ABI3BP: variants seen among roughly 807,000 people sequenced by gnomAD.
The protein encoded by ABI3BP is ABI family member 3 binding protein, also known as target of Nesh-SH3.
Under a neutral mutation model 268.6 loss-of-function variants are expected in ABI3BP, and 216 were observed. The ratio of observed to expected loss-of-function variants is 0.80; its 90% CI spans 0.72 to 0.90. The LOEUF is 0.90. Among genes scored for constraint, ABI3BP ranks in the 40% least tolerant of loss-of-function variants. The pLI is 0.00. For missense variants in ABI3BP, 2,090 were observed against 2,182.4 expected (o/e 0.96, Z 0.84); for synonymous variants, 730 against 730.0 (o/e 1.00, Z 0.00).
At position 100,805,505 on chromosome 3, in the gene ABI3BP, T is replaced by C. The variant is rs116752910; in HGVS notation, c.3683-639A>G. ...ACCAGGAAAATAAGTCTAACAATTA[T>C]AGTGTATTCTATGATTTCAAAAATG... On this transcript the variant is annotated intron_variant, in intron 50 of 67. Transcript: ENST00000471714. Among the ~76,000 whole-genome samples the C allele has an allele frequency of 3.6e-3, 547 of 152,244 alleles. 5 individuals carry two copies. Among genetic ancestry groups the C allele is most frequent in the Non-Finnish European group, 5.3e-3 (361 of 67,998 alleles).
intron 63 of ABI3BP, among the ~76,000 whole-genome samples, chr3:100,760,791 A>C (rs555675288): frequency 6.6e-6 from 1 of 152,306 alleles, no homozygotes; most frequent in East Asian, 1.9e-4. Context: ...AGAGGCTCTT[A>C]ATATTTTTCT....
intron 1 of ABI3BP, among the ~76,000 whole-genome samples, chr3:100,937,215 G>A (rs2066546791): frequency 6.6e-6 from 1 of 152,064 alleles, no homozygotes; most frequent in Non-Finnish European, 1.5e-5. Context: ...TAGGAAAAAT[G>A]TAGTACATCT....
In ABI3BP at chr3:100,913,687, A is replaced by G. The variant is rs544023577; in HGVS notation, c.260-11001T>C. Among the ~76,000 whole-genome samples the G allele has an allele frequency of 3.9e-5, 6 of 152,322 alleles. No individual in the cohort carries two copies. In the South Asian group the frequency reaches 1.2e-3, roughly 32 times the overall value. Reference sequence around the variant, plus strand: ...TACATACAATATAATTGACTAATATACAATGCTAATTTTTAATACATCACT... The same window carrying G: ...TACATACAATATAATTGACTAATATGCAATGCTAATTTTTAATACATCACT... On this transcript the variant is annotated intron_variant, in intron 2 of 67. Coordinates refer to ENST00000471714, the MANE Select transcript of ABI3BP (RefSeq NM_001375547.2).
intron 40 of ABI3BP, among the ~76,000 whole-genome samples, chr3:100,818,975 T>C (rs1223442128): frequency 6.6e-6 from 1 of 152,236 alleles, no homozygotes; most frequent in African/African-American, 2.4e-5. Flanking sequence ...GTCAACAGCC[T>C]GTTTGAGAGA....
rs1217118877 is a variant in ABI3BP, at chr3:100,787,848, T to C, written c.4088-46A>G. On this transcript the variant is annotated intron_variant, in intron 56 of 67. Transcript: ENST00000471714. Reference sequence around the variant, plus strand: ...AATAGTTCATTTTCTTATTGAAAGTTTGCAGCCGAGAAAAACAAAATTTCT... The same window carrying C: ...AATAGTTCATTTTCTTATTGAAAGTCTGCAGCCGAGAAAAACAAAATTTCT... 5.7e-6 allele frequency: 8 copies of C among 1,393,028 alleles called. No individual in the cohort carries two copies. The East Asian group carries it at 1.3e-4, about 23-fold the overall frequency. 86.3% of individuals were successfully genotyped at this position (1,393,028 alleles called of 1,614,324 possible).
chr3:100,754,332 T>G (rs1452533425), intron 64 of ABI3BP, among the ~76,000 whole-genome samples: 4 of 152,236 alleles, frequency 2.6e-5, no homozygotes, highest in Non-Finnish European at 4.4e-5. Flanking sequence ...TACTCACTGG[T>G]ATTTTCATTC....
At chr3:100,816,505 C>T (rs1448012845) in intron 43 of ABI3BP, 183 bp downstream of exon 43, 5 of 680,774 alleles carry the variant, frequency 7.3e-6, no homozygotes, top group Admixed American at 6.4e-5. Flanking sequence ...CAAGTGGCTC[C>T]AAGCCATGTT....
At chr3:100,914,506 G>A in intron 2 of ABI3BP, 1 of 453,034 alleles carries the variant, frequency 2.2e-6, no homozygotes, top group South Asian at 1.6e-5. Context: ...ATTCCAGAAT[G>A]TTCACAGGCC....
chr3:100,883,837 T>G (rs2040587396), intron 6 of ABI3BP, among the ~76,000 whole-genome samples: 1 of 152,092 alleles, frequency 6.6e-6, no homozygotes, highest in African/African-American at 2.4e-5. Context: ...CAAGTGTTCA[T>G]AAACCTATCA....
rs930764550 is a variant in ABI3BP, at chr3:100,773,035, A to C, written c.4531+1570T>G. Among the ~76,000 whole-genome samples the C allele has an allele frequency of 2.7e-5, 4 of 149,478 alleles. No individual in the cohort carries two copies. The East Asian group carries it at 8.0e-4, about 30-fold the overall frequency. On this transcript the variant is annotated intron_variant, in intron 61 of 67. Coordinates refer to ENST00000471714, the MANE Select transcript of ABI3BP (RefSeq NM_001375547.2). ...GGAGGTTGCAGTGAGATGAGATCAC[A>C]CCACTGCACTTCAGCCTGGGCAACA...
chr3:100,830,399 G>A (rs1191094271), intron 32 of ABI3BP, among the ~76,000 whole-genome samples, 179 bp downstream of exon 32: 51 of 151,702 alleles, frequency 3.4e-4, no homozygotes, highest in Admixed American at 3.4e-3. Context: ...CTAAGTTCAC[G>A]CTTGGCTCTT....
At chr3:100,778,429 A>T in intron 58 of ABI3BP, 53 bp from the exon 59 acceptor site, 1 of 1,497,402 alleles carries the variant, frequency 6.7e-7, no homozygotes, top group South Asian at 1.2e-5. Flanking sequence ...ATAAAGATTC[A>T]TTATCGAAAA....
At chr3:100,924,845 A>G (rs1583575314) in intron 2 of ABI3BP, among the ~76,000 whole-genome samples, 1 of 152,186 alleles carries the variant, frequency 6.6e-6, no homozygotes, top group Non-Finnish European at 1.5e-5. Context: ...CAATTGACCC[A>G]AATTTCAATT....
chr3:100,884,063 A>C (rs1261948423), intron 6 of ABI3BP, among the ~76,000 whole-genome samples: 1 of 152,096 alleles, frequency 6.6e-6, no homozygotes, highest in East Asian at 1.9e-4. Flanking sequence ...GTATGATTTT[A>C]ATTTGTAATG....
chr3:100,936,393 G>C (rs2153690432), intron 1 of ABI3BP, among the ~76,000 whole-genome samples: 1 of 152,226 alleles, frequency 6.6e-6, no homozygotes, highest in South Asian at 2.1e-4. Flanking sequence ...TTTTATTGAG[G>C]ATTTTTGCAT....
At chr3:100,925,925 C>T in intron 2 of ABI3BP, among the ~76,000 whole-genome samples, 1 of 151,826 alleles carries the variant, frequency 6.6e-6, no homozygotes, top group East Asian at 1.9e-4. Flanking sequence ...TAAAATGTAG[C>T]TTTTCATGAA....
rs566324019 is a variant in ABI3BP at position 100,971,164 on chromosome 3, T to C, written c.79+22142A>G. Among the ~76,000 whole-genome samples the C allele has an allele frequency of 5.3e-5, 8 of 152,306 alleles. No individual in the cohort carries two copies. The South Asian group carries it at 1.7e-3, about 32-fold the overall frequency. The stretch of plus-strand genomic sequence containing the variant: ...GTATTTCAGTTAGGAATTTCTGCAG[T>C]GAAGACATTGCTTGGTACATTTTCC... On this transcript the variant is annotated intron_variant, in intron 1 of 67. Coordinates refer to ENST00000471714, the MANE Select transcript of ABI3BP (RefSeq NM_001375547.2).
At chr3:100,832,461 C>CT (rs2098509563) in intron 30 of ABI3BP, 111 bp from the exon 31 acceptor site, 2 of 1,049,736 alleles carry the variant, frequency 1.9e-6, no homozygotes, top group African/African-American at 3.2e-5. Flanking sequence ...GTTGACAGAA[C>CT]TTTGTCATTT....
intron 1 of ABI3BP, among the ~76,000 whole-genome samples, chr3:100,967,032 A>C (rs1158547471): frequency 1.3e-5 from 2 of 152,082 alleles, no homozygotes; most frequent in Non-Finnish European, 2.9e-5. Context: ...ATCATGGTTA[A>C]TTGACTTAAT....
Sources: allele counts gnomAD v4.1 joint callset (sites outside exome capture counted in the v4.1 genomes callset), GRCh38; gene constraint gnomAD v4.1.1; transcripts MANE v1.5; gene names NCBI Gene and HGNC (gene_info 2026-07-23, HGNC 2026-07-21).